Variants in FOXP1 observed in about 807,000 individuals in gnomAD.
FOXP1 encodes forkhead box P1.
In FOXP1, 15 loss-of-function variants were observed where a neutral mutation model predicts 98.2. The ratio of observed to expected loss-of-function variants is 0.15; its 90% CI spans 0.10 to 0.24. The LOEUF (loss-of-function observed/expected upper bound fraction) is 0.24, where lower values mean the gene tolerates loss of function less well. Ranked by LOEUF, FOXP1 falls within the 10% of genes least tolerant of loss-of-function variation. The probability of loss-of-function intolerance (pLI) is 1.00; values close to 1 mark genes in which losing one functional copy is unlikely to be tolerated. For missense variants in FOXP1, 633 were observed against 848.5 expected, an observed-to-expected ratio of 0.75 and a Z score of 3.15; for synonymous variants, 371 against 314.5, an observed-to-expected ratio of 1.18 and a Z score of -1.90.
chr3:71,562,136 A>G (rs1460849841), intron 2 of FOXP1, among the ~76,000 whole-genome samples: 1 of 152,154 alleles, frequency 6.6e-6, no homozygotes, highest in Non-Finnish European at 1.5e-5. Context: ...AAATGGAGGG[A>G]TATGAAAGAA....
At chr3:71,436,259 C>G (rs962500749) in intron 3 of FOXP1, among the ~76,000 whole-genome samples, 36 of 152,076 alleles carry the variant, frequency 2.4e-4, no homozygotes, top group African/African-American at 8.7e-4. Flanking sequence ...CACATGTTCA[C>G]AATCCCTCTG....
At chr3:71,154,114 C>CT (rs1388111356) in intron 6 of FOXP1, among the ~76,000 whole-genome samples, 1 of 150,596 alleles carries the variant, frequency 6.6e-6, no homozygotes, top group Non-Finnish European at 1.5e-5. Flanking sequence ...TTGCAATTGA[C>CT]TAATAATAAT....
chr3:71,376,890 G>A (rs1229303620), intron 3 of FOXP1, among the ~76,000 whole-genome samples: 8 of 151,930 alleles, frequency 5.3e-5, no homozygotes, highest in Admixed American at 3.3e-4. Flanking sequence ...AAGAAGCAAA[G>A]ATAAAGAATT....
At chr3:71,502,080 T>A (rs2041424750) in intron 2 of FOXP1, among the ~76,000 whole-genome samples, 1 of 152,236 alleles carries the variant, frequency 6.6e-6, no homozygotes, top group African/African-American at 2.4e-5. Context: ...CTTGGCACCC[T>A]ATCTATAACA....
chr3:71,110,672 G>T (rs755342571), intron 7 of FOXP1, among the ~76,000 whole-genome samples: 1 of 152,140 alleles, frequency 6.6e-6, no homozygotes, highest in African/African-American at 2.4e-5. Flanking sequence ...TGTGGCCTCC[G>T]CTGCTGACCT....
At position 70,957,404 on chromosome 3, in the gene FOXP1, T is replaced by C; in HGVS notation, c.*1843A>G. On this transcript the variant is annotated 3_prime_UTR_variant, in exon 21 of 21. Coordinates refer to ENST00000649528, the MANE Select transcript of FOXP1 (RefSeq NM_001349338.3). Reference sequence around the variant, plus strand: ...TCAGGTTGCAATAGCCTATCGCTTGTCATTTGCCTCTAAATTCTTTTGCCT... The same window carrying C: ...TCAGGTTGCAATAGCCTATCGCTTGCCATTTGCCTCTAAATTCTTTTGCCT... 4.3e-6 allele frequency: 1 copy of C among 229,906 alleles called. No individual in the cohort carries two copies. The allele number at this position is 229,906 out of a possible 1,614,324, so 14.2% of individuals were successfully genotyped here. A position where few individuals can be genotyped will look rare whatever the true frequency, so the allele number is the denominator to read the frequency against.
chr3:70,986,222 A>G (rs1037081689), intron 14 of FOXP1, among the ~76,000 whole-genome samples: 2 of 152,074 alleles, frequency 1.3e-5, no homozygotes, highest in African/African-American at 4.8e-5. Context: ...AAGAATCCCA[A>G]TGGTCCTTTT....
intron 3 of FOXP1, among the ~76,000 whole-genome samples, chr3:71,489,595 T>G (rs1191233984): frequency 6.6e-6 from 1 of 152,246 alleles, no homozygotes; most frequent in Admixed American, 6.5e-5. Context: ...AGTCCTGTGA[T>G]GTGCATCCTA....
chr3:71,453,161 T>C (rs1483400547), intron 3 of FOXP1, among the ~76,000 whole-genome samples: 1 of 152,154 alleles, frequency 6.6e-6, no homozygotes, highest in East Asian at 1.9e-4. Context: ...TATTCACACT[T>C]GGTGATGTTT....
intron 10 of FOXP1, 34 bp downstream of exon 10, chr3:71,046,906 TCA>T: frequency 6.2e-7 from 1 of 1,613,298 alleles, no homozygotes; most frequent in East Asian, 2.2e-5. Flanking sequence ...CCCAAAGTCT[TCA>T]CAGAGCTATG....
At chr3:71,169,607 C>T (rs1458733579) in intron 6 of FOXP1, among the ~76,000 whole-genome samples, 2 of 151,714 alleles carry the variant, frequency 1.3e-5, no homozygotes, top group African/African-American at 2.4e-5. Context: ...CCTTCCTCCC[C>T]CACCGCCCCC....
chr3:71,046,914 C>T (rs2106971423), intron 10 of FOXP1, 28 bp downstream of exon 10: 1 of 1,613,076 alleles, frequency 6.2e-7, no homozygotes, highest in Non-Finnish European at 8.5e-7. Flanking sequence ...CTTCACAGAG[C>T]TATGCCTTCT....
At chr3:71,282,911 C>T (rs1270950747) in intron 5 of FOXP1, among the ~76,000 whole-genome samples, 1 of 152,148 alleles carries the variant, frequency 6.6e-6, no homozygotes, top group Admixed American at 6.5e-5. Context: ...ACAAGCTATA[C>T]CTTCATCATG....
rs373276291 is a variant in FOXP1, at chr3:71,100,552, G to A, written c.282+11984C>T. On this transcript the variant is annotated intron_variant, in intron 7 of 20. Transcript: ENST00000649528. ...GGCAGTCACATGGTGGAGAACTTAG[G>A]AACGGGACAGCCCTTCACATCATGT... Among the ~76,000 whole-genome samples, 7 of 152,212 alleles carry A rather than the reference G, an allele frequency of 4.6e-5. No individual in the cohort carries two copies. The East Asian group carries it at 5.8e-4, about 13-fold the overall frequency.
At chr3:71,201,400 C>G (rs1157145891) in intron 5 of FOXP1, among the ~76,000 whole-genome samples, 2 of 152,112 alleles carry the variant, frequency 1.3e-5, no homozygotes, top group Non-Finnish European at 2.9e-5. Context: ...AATCCCAGCA[C>G]TTTGGGAGGC....
chr3:71,047,182 C>T, intron 9 of FOXP1, 87 bp from the exon 10 acceptor site: 2 of 1,486,966 alleles, frequency 1.3e-6, no homozygotes, highest in Middle Eastern at 1.7e-4. Flanking sequence ...CCATCATCAT[C>T]AAATGCTGAG....
At chr3:71,207,468 G>A (rs7431657) in intron 5 of FOXP1, among the ~76,000 whole-genome samples, 127,146 of 152,052 alleles carry the variant, frequency 0.84, 53,227 homozygotes, top group Admixed American at 0.9. Context: ...GCATTTCTCC[G>A]TTGTGCAAAA....
intron 7 of FOXP1, among the ~76,000 whole-genome samples, chr3:71,096,266 G>C (rs1397960203): frequency 6.6e-6 from 1 of 152,132 alleles, no homozygotes; most frequent in Non-Finnish European, 1.5e-5. Flanking sequence ...CTTCTTGACT[G>C]GTGGTCTTCA....
At chr3:71,358,189 T>A (rs965850324) in intron 4 of FOXP1, among the ~76,000 whole-genome samples, 6 of 152,232 alleles carry the variant, frequency 3.9e-5, no homozygotes, top group African/African-American at 1.4e-4. Flanking sequence ...CTTACAGCAC[T>A]CTCAGATTCT....
Sources: allele counts gnomAD v4.1 joint callset (sites outside exome capture counted in the v4.1 genomes callset), GRCh38; gene constraint gnomAD v4.1.1; transcripts MANE v1.5; gene names NCBI Gene and HGNC (gene_info 2026-07-23, HGNC 2026-07-21).